The following SLC8B1 variants were observed in gnomAD, a reference collection of about 807,000 sequenced individuals.
The protein encoded by SLC8B1 is solute carrier family 8 member B1, also known as mitochondrial sodium/calcium exchanger protein.
Under a neutral mutation model 63.4 loss-of-function variants are expected in SLC8B1, and 52 were observed. The ratio of observed to expected loss-of-function variants is 0.82; its 90% CI spans 0.66 to 1.03. SLC8B1 has a LOEUF of 1.03. Ranked by LOEUF, SLC8B1 falls within the 50% of genes least tolerant of loss-of-function variation. The pLI, the probability that SLC8B1 is intolerant of heterozygous loss-of-function variation, is 0.00. For missense variants in SLC8B1, 657 were observed against 741.7 expected, an observed-to-expected ratio of 0.89 and a Z score of 1.33; for synonymous variants, 336 against 323.9, an observed-to-expected ratio of 1.04 and a Z score of -0.40.
chr12:113,332,621 A>G, intron 2 of SLC8B1, 102 bp downstream of exon 2: 1 of 1,374,008 alleles, frequency 7.3e-7, no homozygotes, highest in South Asian at 1.5e-5. Flanking sequence ...GGTATATCCC[A>G]GGCTGCGGTC....
rs1956645186 is a variant in SLC8B1, at chr12:113,304,451, C to T, written c.1493-66G>A. 24 of 1,452,716 alleles carry T rather than the reference C, an allele frequency of 1.7e-5. 1 individual carries two copies. In the South Asian group the frequency reaches 2.2e-4, roughly 13 times the overall value. 90.0% of individuals were successfully genotyped at this position (1,452,716 alleles called of 1,614,324 possible). ...CATAACCCAACCACATAGCCCGTTC[C>T]TCCTACTGTGTTCATCCCCAGGGCT... On this transcript the variant is annotated intron_variant, in intron 14 of 15. Transcript: ENST00000680972.
At chr12:113,312,985 A>T (rs1956784295) in intron 11 of SLC8B1, among the ~76,000 whole-genome samples, 1 of 151,834 alleles carries the variant, frequency 6.6e-6, no homozygotes, top group Non-Finnish European at 1.5e-5. Context: ...GGCTCACTGC[A>T]GCCTCTGCCT....
Position 113,318,963 on chromosome 12 carries a change from C to T in SLC8B1, c.802+1G>A. ...CTCTGGGGTCCGATGCAGACTCTTA[C>T]CTGGAGTAACTGGCATGGGGCAGAA... On this transcript the variant is annotated splice_donor_variant, in intron 8 of 15. Coordinates refer to ENST00000680972, the MANE Select transcript of SLC8B1 (RefSeq NM_001358345.2). LOFTEE classifies it high-confidence loss of function. 6.2e-7 allele frequency: 1 copy of T among 1,613,528 alleles called. No individual in the cohort carries two copies. Among genetic ancestry groups the T allele is most frequent in the Non-Finnish European group, 8.5e-7 (1 of 1,179,528 alleles).
At chr12:113,309,881 G>GT (rs1293911417) in intron 12 of SLC8B1, among the ~76,000 whole-genome samples, 4 of 152,118 alleles carry the variant, frequency 2.6e-5, no homozygotes, top group Non-Finnish European at 4.4e-5. Context: ...GAAATGGGGA[G>GT]TGACTTATGG....
intron 2 of SLC8B1, among the ~76,000 whole-genome samples, chr12:113,329,403 T>G (rs1957032292): frequency 1.3e-5 from 2 of 152,122 alleles, no homozygotes; most frequent in Non-Finnish European, 1.5e-5. Flanking sequence ...CCCTCCCTCC[T>G]CCCTGTCCTC....
At chr12:113,317,537 C>T (rs185071083) in intron 8 of SLC8B1, among the ~76,000 whole-genome samples, 8 of 152,346 alleles carry the variant, frequency 5.3e-5, no homozygotes, top group African/African-American at 7.2e-5. Flanking sequence ...GAAGGCACAA[C>T]TCAAACATTT....
Position 113,330,326 on chromosome 12 carries a change from G to A in SLC8B1, c.156+2397C>T, listed in dbSNP as rs368241415. ...GCCTTTCCCAGCCTGCAGGCTCCCT[G>A]GATGGTGGGGACTTCCAGAAAGGCA... On this transcript the variant is annotated intron_variant, in intron 2 of 15. Coordinates refer to ENST00000680972, the MANE Select transcript of SLC8B1 (RefSeq NM_001358345.2). 1.1e-4 allele frequency among the ~76,000 whole-genome samples: 16 copies of A among 152,348 alleles called. No individual in the cohort carries two copies. The East Asian group carries it at 2.3e-3, about 22-fold the overall frequency.
chr12:113,330,301 G>T (rs1002875066), intron 2 of SLC8B1, among the ~76,000 whole-genome samples: 1 of 152,210 alleles, frequency 6.6e-6, no homozygotes, highest in East Asian at 1.9e-4. Context: ...GGCTGGGGGG[G>T]CCTTTCCCAG....
At chr12:113,302,195 T>C (rs1956597403) in intron 15 of SLC8B1, 1 of 159,266 alleles carries the variant, frequency 6.3e-6, no homozygotes, top group African/African-American at 2.4e-5. Flanking sequence ...TACAATCATC[T>C]TGGACTTAGG....
chr12:113,320,507 A>T lies in SLC8B1; in HGVS notation c.527-9T>A, dbSNP rs762538117. On this transcript the variant is annotated splice_polypyrimidine_tract_variant and intron_variant, in intron 6 of 15. Transcript: ENST00000680972. The surrounding 1 kb of genome is among the most constrained non-coding windows in gnomAD (Gnocchi z 5.3). ...AACCAGCACGCCAGCGCCTGGGGGG[A>T]GGAGGCCAGAGCTCAGCCACCCTGC... The T allele has an allele frequency of 3.1e-6, 5 of 1,613,840 alleles. No homozygotes were observed. In the South Asian group the frequency reaches 3.3e-5, roughly 11 times the overall value.
intron 2 of SLC8B1, among the ~76,000 whole-genome samples, chr12:113,326,842 C>T (rs1330246121): frequency 6.6e-6 from 1 of 152,052 alleles, no homozygotes; most frequent in Non-Finnish European, 1.5e-5. Flanking sequence ...CAACCCGGCC[C>T]TACTATCTGG....
intron 13 of SLC8B1, chr12:113,306,821 C>T (rs559448340): frequency 7.1e-5 from 38 of 536,902 alleles, no homozygotes; most frequent in East Asian, 4.6e-4. Flanking sequence ...GTGAAAAACG[C>T]GGCTACCAGC....
At chr12:113,327,496 C>T (rs1282194962) in intron 2 of SLC8B1, among the ~76,000 whole-genome samples, 1 of 152,008 alleles carries the variant, frequency 6.6e-6, no homozygotes, top group African/African-American at 2.4e-5. Flanking sequence ...ACCAGCCTGG[C>T]CAACATGGTG....
At chr12:113,318,843 A>G (rs1433963726) in intron 8 of SLC8B1, 121 bp downstream of exon 8, 1 of 706,922 alleles carries the variant, frequency 1.4e-6, no homozygotes, top group African/African-American at 1.8e-5. Flanking sequence ...GAGTAGAAAG[A>G]GCATGAAGAG....
chr12:113,307,445 C>G (rs1162100674), intron 13 of SLC8B1, among the ~76,000 whole-genome samples: 1 of 152,132 alleles, frequency 6.6e-6, no homozygotes, highest in African/African-American at 2.4e-5. Flanking sequence ...ACTCTGGGAG[C>G]CACCGACCAT....
intron 15 of SLC8B1, among the ~76,000 whole-genome samples, chr12:113,303,141 A>ACACACACACGCGCGCG (rs773636454): frequency 6.9e-6 from 1 of 145,638 alleles, no homozygotes; most frequent in African/African-American, 2.6e-5. Flanking sequence ...ACACACACAC[A>ACACACACACGCGCGCG]CGCGCGCGCA....
At chr12:113,300,934 G>A (rs1566220777) in intron 15 of SLC8B1, among the ~76,000 whole-genome samples, 1 of 152,172 alleles carries the variant, frequency 6.6e-6, no homozygotes. Context: ...TTAGGAGTTC[G>A]AGACCAGCCT....
At chr12:113,322,252 T>A (rs962120774) in intron 2 of SLC8B1, among the ~76,000 whole-genome samples, 2 of 152,088 alleles carry the variant, frequency 1.3e-5, no homozygotes, top group Non-Finnish European at 2.9e-5. Context: ...TCATGCCCAT[T>A]AAACAGTTAA....
In SLC8B1 at chr12:113,320,669, T is replaced by G; in HGVS notation, c.438A>C (p.Ala146=). ...AGATGTCAGGTGCACCATTCCCAAA[T>G]GCCAGGAAGGTGACGCCATGTGGGG... is the stretch of plus-strand genomic sequence containing the variant. The part of the protein sequence containing the change: ...SHNVAGVTFL[A]FGNGAPDIFS... The change falls in exon 6 of 16, where the codon GCA becomes GCC. Residue 146 remains alanine (A), a synonymous_variant. Transcript: ENST00000680972. This position sits in a 1 kb window ranked among gnomAD's most constrained non-coding sequence, Gnocchi z 5.3. 2 of 1,613,926 alleles carry G rather than the reference T, an allele frequency of 1.2e-6. No individual in the cohort carries two copies. Among genetic ancestry groups the G allele is most frequent in the Non-Finnish European group, 1.7e-6 (2 of 1,179,948 alleles).
Sources: allele counts gnomAD v4.1 joint callset (sites outside exome capture counted in the v4.1 genomes callset), GRCh38; gene constraint gnomAD v4.1.1; non-coding constraint Gnocchi (gnomAD v3.1); transcripts MANE v1.5; gene names NCBI Gene and HGNC (gene_info 2026-07-23, HGNC 2026-07-21).